AGR3: variants seen among roughly 807,000 people sequenced by gnomAD.
AGR3 encodes the protein anterior gradient 3, protein disulphide isomerase family member.
Under a neutral mutation model 24.5 loss-of-function variants are expected in AGR3, and 37 were observed. The ratio of observed to expected loss-of-function variants is 1.51; its 90% CI spans 1.16 to 1.99. The LOEUF (loss-of-function observed/expected upper bound fraction) is 1.99. AGR3 is among the 30% of genes most tolerant of loss of function. The pLI, the probability that AGR3 is intolerant of heterozygous loss-of-function variation, is 0.00. For missense variants in AGR3, 228 were observed against 191.1 expected (o/e 1.19, Z -1.14); for synonymous variants, 75 against 61.6 (o/e 1.22, Z -1.02).
Position 16,865,929 on chromosome 7 carries a change from T to G in AGR3, c.174-3267A>C, listed in dbSNP as rs548045159. The G allele has an allele frequency of 6.3e-5, 44 of 702,666 alleles. 1 individual carries two copies. Among genetic ancestry groups the G allele is most frequent in the South Asian group, 5.5e-4 (37 of 67,012 alleles). 43.5% of individuals were successfully genotyped at this position (702,666 alleles called of 1,614,324 possible). On this transcript the variant is annotated intron_variant, in intron 3 of 7. Transcript: ENST00000310398. ...ATTAATAAAATAGATCCATCCTGTT[T>G]TGGTTGCCTTTCTAAGACTTGAGCT...
intron 3 of AGR3, among the ~76,000 whole-genome samples, chr7:16,872,743 ACAACT>A (rs1157815010): frequency 3.9e-5 from 6 of 152,312 alleles, no homozygotes; most frequent in African/African-American, 1.2e-4. Flanking sequence ...AGGAACTCAA[ACAACT>A]CAACAACAAA....
rs141187439 is a variant in AGR3 at position 16,873,704 on chromosome 7, A to G, written c.173+76T>C. 934 of 1,148,248 alleles carry G rather than the reference A, an allele frequency of 8.1e-4. 7 individuals carry two copies. The African/African-American group carries it at 0.013, about 16-fold the overall frequency. 71.1% of individuals were successfully genotyped at this position (1,148,248 alleles called of 1,614,324 possible). On this transcript the variant is annotated intron_variant, in intron 3 of 7. Coordinates refer to ENST00000310398, the MANE Select transcript of AGR3 (RefSeq NM_176813.5). ...TGTACATGTATCAGCATATCACTCTATATTCCATAAATATGTACAATTATT... is the reference window on the plus strand; with the variant it reads ...TGTACATGTATCAGCATATCACTCTGTATTCCATAAATATGTACAATTATT...
intron 1 of AGR3, among the ~76,000 whole-genome samples, chr7:16,879,411 A>G (rs1217489654): frequency 6.6e-6 from 1 of 152,194 alleles, no homozygotes; most frequent in African/African-American, 2.4e-5. Flanking sequence ...CTGAAGTCCA[A>G]AGTTGGGCCT....
intron 3 of AGR3, among the ~76,000 whole-genome samples, chr7:16,868,941 A>T (rs950982852): frequency 6.6e-6 from 1 of 152,176 alleles, no homozygotes; most frequent in Non-Finnish European, 1.5e-5. Flanking sequence ...AGTCTTCTTA[A>T]ATTTGTTAGA....
intron 3 of AGR3, among the ~76,000 whole-genome samples, chr7:16,872,005 T>C (rs897682386): frequency 2.6e-5 from 4 of 152,116 alleles, no homozygotes; most frequent in Non-Finnish European, 4.4e-5. Flanking sequence ...GAAGAATGAA[T>C]TTTGCTAAAA....
chr7:16,858,299 A>C (rs562916732), downstream of AGR3, among the ~76,000 whole-genome samples: 52 of 152,048 alleles, frequency 3.4e-4, no homozygotes, highest in African/African-American at 9.6e-4. Context: ...CAGCCTCTAA[A>C]ATATTTTCTA....
At chr7:16,862,749 T>C in intron 3 of AGR3, 87 bp from the exon 4 acceptor site, 1 of 848,638 alleles carries the variant, frequency 1.2e-6, no homozygotes, top group Non-Finnish European at 1.8e-6. Context: ...TTTATTAGCT[T>C]CAATAAGGCT....
chr7:16,866,642 A>G (rs1781764118), intron 3 of AGR3, among the ~76,000 whole-genome samples: 1 of 151,818 alleles, frequency 6.6e-6, no homozygotes, highest in Non-Finnish European at 1.5e-5. Flanking sequence ...AATTTTTTTT[A>G]TCCAACAGGT....
chr7:16,858,697 C>G (rs1026979224), downstream of AGR3, among the ~76,000 whole-genome samples: 5 of 151,104 alleles, frequency 3.3e-5, no homozygotes, highest in Admixed American at 3.3e-4. Context: ...ATGGTGAAAC[C>G]CTGTCTCTAT....
At chr7:16,877,544 C>T (rs1782009864) in intron 2 of AGR3, among the ~76,000 whole-genome samples, 1 of 151,692 alleles carries the variant, frequency 6.6e-6, no homozygotes, top group African/African-American at 2.4e-5. Context: ...ACTTCTGTTA[C>T]TTAGAGATAT....
intron 3 of AGR3, chr7:16,864,349 G>C (rs898695252): frequency 7.4e-7 from 1 of 1,347,010 alleles, no homozygotes; most frequent in African/African-American, 1.4e-5. Context: ...CTGGCTGGCA[G>C]GCAGTTCACT....
chr7:16,881,879 G>A (rs1425005577), intron 1 of AGR3, 65 bp downstream of exon 1: 1 of 469,028 alleles, frequency 2.1e-6, no homozygotes, highest in Admixed American at 2.4e-5. Context: ...ATAGCAAAAG[G>A]TGATTATTTA....
Position 16,860,611 on chromosome 7 carries a change from A to G in AGR3, c.368-28T>C, listed in dbSNP as rs759968890. ...GTCAAGGAAAAAACCAAGTCACGAA[A>G]GTATAATTTAGCATGTTCTTTTCTT... On this transcript the variant is annotated intron_variant, in intron 6 of 7. Transcript: ENST00000310398. 10 of 1,486,306 alleles carry G rather than the reference A, an allele frequency of 6.7e-6. No homozygotes were observed. In the African/African-American group the frequency reaches 1.2e-4, roughly 19 times the overall value. The allele number at this position is 1,486,306 out of a possible 1,614,324, so 92.1% of individuals were successfully genotyped here.
chr7:16,855,626 C>T (rs1344378034), downstream of AGR3, among the ~76,000 whole-genome samples: 1 of 152,022 alleles, frequency 6.6e-6, no homozygotes, highest in East Asian at 1.9e-4. Flanking sequence ...CAAGGACTTT[C>T]CATTTAGCGA....
In AGR3 at chr7:16,862,808, A is replaced by G. The variant is rs569897291; in HGVS notation, c.174-146T>C. ...AAATCATAGCACTATAGTCAATAGC[A>G]GTGTTACTCTATTTGTGGCCTCAGA... On this transcript the variant is annotated intron_variant, in intron 3 of 7. Coordinates refer to ENST00000310398, the MANE Select transcript of AGR3 (RefSeq NM_176813.5). 5.9e-4 allele frequency: 328 copies of G among 558,702 alleles called. 5 individuals carry two copies. The South Asian group carries it at 7.7e-3, about 13-fold the overall frequency. The allele number at this position is 558,702 out of a possible 1,614,324, so 34.6% of individuals were successfully genotyped here.
chr7:16,878,117 T>A (rs1455480561), intron 2 of AGR3, among the ~76,000 whole-genome samples: 5 of 82,672 alleles, frequency 6.0e-5, no homozygotes, highest in Non-Finnish European at 1.0e-4. Context: ...ATTATTCCAA[T>A]TTTTTTTTTT....
chr7:16,877,590 G>A (rs1241808410), intron 2 of AGR3, among the ~76,000 whole-genome samples: 2 of 151,618 alleles, frequency 1.3e-5, no homozygotes, highest in Admixed American at 6.6e-5. Flanking sequence ...TTGGCCGGGC[G>A]CGGTGGCTCA....
At chr7:16,866,395 C>T in intron 3 of AGR3, 1 of 290,082 alleles carries the variant, frequency 3.4e-6, no homozygotes, top group Non-Finnish European at 7.4e-6. Context: ...AGGTAACTGT[C>T]CCTGAAGATG....
chr7:16,873,108 T>TA (rs1236843153), intron 3 of AGR3, among the ~76,000 whole-genome samples: 6 of 152,014 alleles, frequency 3.9e-5, no homozygotes, highest in Non-Finnish European at 1.5e-5. Flanking sequence ...AGTATTTATT[T>TA]AAAAAATCAG....
Sources: gnomAD v4.1 joint callset for allele counts (sites outside exome capture counted in the v4.1 genomes callset) on GRCh38, gnomAD v4.1.1 for gene constraint, MANE v1.5 for transcripts, NCBI Gene and HGNC (gene_info 2026-07-23, HGNC 2026-07-21) for gene names.